OXCT1: variants seen among roughly 807,000 people sequenced by gnomAD.
OXCT1 encodes the protein succinyl-CoA:3-ketoacid coenzyme A transferase 1, mitochondrial.
Under a neutral mutation model 69.6 loss-of-function variants are expected in OXCT1, and 27 were observed. The ratio of observed to expected loss-of-function variants is 0.39; its 90% CI spans 0.29 to 0.54. The LOEUF is 0.54. Ranked by LOEUF, OXCT1 falls within the 20% of genes least tolerant of loss-of-function variation. OXCT1 has a pLI of 0.72. For synonymous variants in OXCT1, 202 were observed against 217.8 expected (o/e 0.93, Z 0.64); for missense variants, 437 against 650.2 (o/e 0.67, Z 3.57).
intron 8 of OXCT1, among the ~76,000 whole-genome samples, chr5:41,806,380 G>A (rs1263652349): frequency 6.6e-6 from 1 of 152,004 alleles, no homozygotes; most frequent in Non-Finnish European, 1.5e-5. Flanking sequence ...AATCATGACA[G>A]TAATTCTGGT....
intron 14 of OXCT1, among the ~76,000 whole-genome samples, chr5:41,759,668 T>A (rs1744254429): frequency 6.6e-6 from 1 of 152,106 alleles, no homozygotes; most frequent in South Asian, 2.1e-4. Flanking sequence ...GTTTCCTTTG[T>A]CTTATTAAAA....
At chr5:41,855,644 C>G (rs1223377816) in intron 3 of OXCT1, among the ~76,000 whole-genome samples, 1 of 152,168 alleles carries the variant, frequency 6.6e-6, no homozygotes, top group Admixed American at 6.5e-5. Context: ...CTAAAACTCC[C>G]TTACTGAGTG....
At chr5:41,732,338 G>A (rs1236490891) in intron 16 of OXCT1, among the ~76,000 whole-genome samples, 1 of 152,172 alleles carries the variant, frequency 6.6e-6, no homozygotes, top group Non-Finnish European at 1.5e-5. Context: ...AAATATGGAA[G>A]TAATAGCATT....
chr5:41,775,603 T>C (rs1410631151), intron 13 of OXCT1, among the ~76,000 whole-genome samples: 10 of 152,150 alleles, frequency 6.6e-5, no homozygotes, highest in Admixed American at 6.5e-4. Flanking sequence ...TCATTGGCCA[T>C]TGGTGACTGA....
chr5:41,795,378 A>G (rs1327698495), intron 11 of OXCT1, among the ~76,000 whole-genome samples: 1 of 151,412 alleles, frequency 6.6e-6, no homozygotes, highest in African/African-American at 2.5e-5. Context: ...GCACCCCTCT[A>G]TTGTCCATAC....
At chr5:41,742,949 G>A (rs1743255351) in intron 15 of OXCT1, among the ~76,000 whole-genome samples, 1 of 152,148 alleles carries the variant, frequency 6.6e-6, no homozygotes, top group Non-Finnish European at 1.5e-5. Flanking sequence ...ACATGTGCAT[G>A]TGTCTTTATA....
At position 41,731,387 on chromosome 5, in the gene OXCT1, G is replaced by A. The variant is rs1249731686; in HGVS notation, c.*342C>T. 3 of 1,049,838 alleles carry A rather than the reference G, an allele frequency of 2.9e-6. No individual in the cohort carries two copies. In the African/African-American group the frequency reaches 5.1e-5, roughly 18 times the overall value. 65.0% of individuals were successfully genotyped at this position (1,049,838 alleles called of 1,614,324 possible). A position where few individuals can be genotyped will look rare whatever the true frequency, so the allele number is the denominator to read the frequency against. Reference sequence around the variant, plus strand: ...TTCAGGACTAATAATTAATATTTAAGAGGAAAGCCACATCAATTTCTAGGG... The same window carrying A: ...TTCAGGACTAATAATTAATATTTAAAAGGAAAGCCACATCAATTTCTAGGG... On this transcript the variant is annotated 3_prime_UTR_variant, in exon 17 of 17. Coordinates refer to ENST00000196371, the MANE Select transcript of OXCT1 (RefSeq NM_000436.4).
At chr5:41,801,185 T>A (rs1746409820) in intron 10 of OXCT1, 115 bp from the exon 11 acceptor site, 3 of 836,202 alleles carry the variant, frequency 3.6e-6, no homozygotes, top group African/African-American at 1.7e-5. Flanking sequence ...ATCCGAAGAC[T>A]TGAGGTAAAC....
chr5:41,795,256 C>A (rs532411329), intron 11 of OXCT1, among the ~76,000 whole-genome samples: 1 of 152,148 alleles, frequency 6.6e-6, no homozygotes, highest in African/African-American at 2.4e-5. Context: ...GATGGTAATG[C>A]TCGTTTGCTC....
At position 41,870,015 on chromosome 5, in the gene OXCT1, C is replaced by T. The variant is rs1437136055; in HGVS notation, c.78+266G>A. On this transcript the variant is annotated intron_variant, in intron 1 of 16. Coordinates refer to ENST00000196371, the MANE Select transcript of OXCT1 (RefSeq NM_000436.4). This position sits in a 1 kb window ranked among gnomAD's most constrained non-coding sequence, Gnocchi z 4.2. The stretch of plus-strand genomic sequence containing the variant: ...TCGGGAGCGCTGCCAGGAGTCCTCC[C>T]GCCCCTTCTCAGCCTCTCCGCGCGC... 1 of 503,212 alleles carries T rather than the reference C, an allele frequency of 2.0e-6. No individual in the cohort carries two copies. The highest frequency in any genetic ancestry group is 3.6e-6 in the Non-Finnish European group (1 of 275,560). The allele number at this position is 503,212 out of a possible 1,614,324, so 31.2% of individuals were successfully genotyped here.
Position 41,762,102 on chromosome 5 carries a change from A to T in OXCT1, c.1338+9T>A, listed in dbSNP as rs1177962107. 2 of 1,591,580 alleles carry T rather than the reference A, an allele frequency of 1.3e-6. No individual in the cohort carries two copies. The highest frequency in any genetic ancestry group is 1.7e-6 in the Non-Finnish European group (2 of 1,159,768). ...AAAAGCAGTATTTGGGGAGCACAGT[A>T]CATGTTACCTTTGCAGAATGCTCCA... On this transcript the variant is annotated intron_variant, in intron 14 of 16. Coordinates refer to ENST00000196371, the MANE Select transcript of OXCT1 (RefSeq NM_000436.4). The surrounding 1 kb of genome is among the most constrained non-coding windows in gnomAD (Gnocchi z 4.0).
At chr5:41,805,423 TAA>T (rs878997637) in intron 9 of OXCT1, 142 bp downstream of exon 9, 6,318 of 549,978 alleles carry the variant, frequency 0.011, no homozygotes, top group South Asian at 0.016. Context: ...CCACATTTTG[TAA>T]AAAAAAAAAA....
chr5:41,813,124 G>A (rs1747067279), intron 7 of OXCT1, among the ~76,000 whole-genome samples: 1 of 152,080 alleles, frequency 6.6e-6, no homozygotes, highest in South Asian at 2.1e-4. Context: ...AGCACAGTGT[G>A]TAGTTTCACA....
At chr5:41,815,949 T>TA (rs148984472) in intron 7 of OXCT1, among the ~76,000 whole-genome samples, 1,702 of 152,284 alleles carry the variant, frequency 0.011, 30 homozygotes, top group Middle Eastern at 0.034. Context: ...TTGAGGCTGT[T>TA]AATCATCCCT....
intron 13 of OXCT1, among the ~76,000 whole-genome samples, chr5:41,787,913 C>G (rs531575097): frequency 2.0e-5 from 3 of 151,856 alleles, no homozygotes; most frequent in African/African-American, 7.2e-5. Context: ...GTCCTTCAAG[C>G]AGAAGGAAAA....
At chr5:41,796,544 C>T (rs1199890905) in intron 11 of OXCT1, among the ~76,000 whole-genome samples, 1 of 152,164 alleles carries the variant, frequency 6.6e-6, no homozygotes, top group Non-Finnish European at 1.5e-5. Context: ...CTAACTTTTC[C>T]ATCAATATCC....
At chr5:41,745,670 G>A (rs1743445329) in intron 15 of OXCT1, among the ~76,000 whole-genome samples, 1 of 151,758 alleles carries the variant, frequency 6.6e-6, no homozygotes. Context: ...AATAAAGAAG[G>A]AAAGAGAGAA....
At chr5:41,860,396 A>C (rs892050411) in intron 3 of OXCT1, among the ~76,000 whole-genome samples, 3 of 152,206 alleles carry the variant, frequency 2.0e-5, no homozygotes, top group African/African-American at 7.2e-5. Context: ...GGGCAAGATC[A>C]ATAAAGACTA....
Position 41,840,508 on chromosome 5 carries a change from T to C in OXCT1, c.675A>G (p.Lys225=). Residue 225 remains lysine (K), a synonymous_variant, in exon 7 of 17, where the codon AAA becomes AAG. Coordinates refer to ENST00000196371, the MANE Select transcript of OXCT1 (RefSeq NM_000436.4). The part of the protein sequence containing the change: ...ADRAGNVIFR[K]SARNFNLPMC... The stretch of plus-strand genomic sequence containing the variant: ...TTGGCAAGTTGAAATTCCTTGCACT[T>C]TTCCTACAGGGGTGGAGGAGATAAG... 1.2e-6 allele frequency: 2 copies of C among 1,612,016 alleles called. No homozygotes were observed. The highest frequency in any genetic ancestry group is 1.1e-5 in the South Asian group (1 of 90,948).
Sources: allele counts gnomAD v4.1 joint callset (sites outside exome capture counted in the v4.1 genomes callset), GRCh38; gene constraint gnomAD v4.1.1; non-coding constraint Gnocchi (gnomAD v3.1); transcripts MANE v1.5; gene names NCBI Gene and HGNC (gene_info 2026-07-23, HGNC 2026-07-21).